The following CHODL variants were observed in gnomAD, a reference collection of about 807,000 sequenced individuals.
The protein encoded by CHODL is chondrolectin.
A neutral mutation model predicts 34.5 loss-of-function variants in CHODL; 29 were observed. The ratio of observed to expected loss-of-function variants is 0.84; its 90% CI spans 0.63 to 1.15. The LOEUF (loss-of-function observed/expected upper bound fraction) is 1.15. Among genes scored for constraint, CHODL ranks in the 50% most tolerant of loss-of-function variants. The pLI is 0.00. For missense variants in CHODL, 332 were observed against 332.5 expected, an observed-to-expected ratio of 1.00 and a Z score of 0.01; for synonymous variants, 125 against 116.1, an observed-to-expected ratio of 1.08 and a Z score of -0.49.
chr21:18,145,499 G>A (rs1191674815), intron 2 of CHODL, among the ~76,000 whole-genome samples: 1 of 149,002 alleles, frequency 6.7e-6, no homozygotes, highest in Admixed American at 6.7e-5. Flanking sequence ...TAACCTATAT[G>A]TGAAAAGATG....
intron 2 of CHODL, among the ~76,000 whole-genome samples, chr21:18,069,355 A>C (rs1343762333): frequency 6.6e-6 from 1 of 152,034 alleles, no homozygotes; most frequent in African/African-American, 2.4e-5. Context: ...GTATTCTATC[A>C]TTTTATTGCT....
chr21:18,174,161 A>ATATATATATATCTTGGTAT (rs2073276201), intron 2 of CHODL, among the ~76,000 whole-genome samples: 3 of 85,656 alleles, frequency 3.5e-5, no homozygotes, highest in African/African-American at 6.6e-5. Flanking sequence ...ATATATATAT[A>ATATATATATATCTTGGTAT]AAATCAAGTC....
At chr21:17,969,807 A>G (rs1304959385) in intron 1 of CHODL, among the ~76,000 whole-genome samples, 3 of 152,202 alleles carry the variant, frequency 2.0e-5, no homozygotes, top group Non-Finnish European at 4.4e-5. Flanking sequence ...AATGTCCTAA[A>G]GGTGTATATG....
intron 2 of CHODL, among the ~76,000 whole-genome samples, chr21:18,098,607 C>A (rs182519717): frequency 6.6e-6 from 1 of 152,024 alleles, no homozygotes; most frequent in Non-Finnish European, 1.5e-5. Flanking sequence ...GAGAAGAGAA[C>A]CCTCATATAC....
At chr21:17,945,008 A>C (rs2063394375) in intron 1 of CHODL, among the ~76,000 whole-genome samples, 1 of 152,130 alleles carries the variant, frequency 6.6e-6, no homozygotes, top group Non-Finnish European at 1.5e-5. Flanking sequence ...CCGGAGATCG[A>C]GACCATCCTG....
intron 2 of CHODL, among the ~76,000 whole-genome samples, chr21:18,061,505 A>G (rs2064664880): frequency 6.6e-6 from 1 of 152,230 alleles, no homozygotes; most frequent in South Asian, 2.1e-4. Flanking sequence ...CTCAAGGGAA[A>G]GTCATTGTCA....
At chr21:18,113,629 G>C (rs925021570) in intron 2 of CHODL, among the ~76,000 whole-genome samples, 1 of 152,134 alleles carries the variant, frequency 6.6e-6, no homozygotes, top group Non-Finnish European at 1.5e-5. Context: ...GATCTTGTGA[G>C]AACTTACTAT....
chr21:18,092,282 A>T (rs1247934899), intron 2 of CHODL, among the ~76,000 whole-genome samples: 1 of 152,186 alleles, frequency 6.6e-6, no homozygotes, highest in East Asian at 1.9e-4. Context: ...ACCTCTGTGA[A>T]TGTGCAAAAA....
intron 2 of CHODL, among the ~76,000 whole-genome samples, chr21:18,210,156 A>G (rs1328518873): frequency 6.6e-6 from 1 of 152,088 alleles, no homozygotes; most frequent in Non-Finnish European, 1.5e-5. Flanking sequence ...GCCAGAACTC[A>G]GGTTCTGATT....
chr21:18,077,505 G>T (rs1252523497), intron 2 of CHODL, among the ~76,000 whole-genome samples: 1 of 152,122 alleles, frequency 6.6e-6, no homozygotes, highest in Non-Finnish European at 1.5e-5. Flanking sequence ...AAATGTTTGT[G>T]TCCCTCTAAA....
At chr21:18,069,323 C>T (rs920441583) in intron 2 of CHODL, among the ~76,000 whole-genome samples, 3 of 152,064 alleles carry the variant, frequency 2.0e-5, no homozygotes, top group Non-Finnish European at 4.4e-5. Flanking sequence ...TTGGTCATTC[C>T]TTTACTCGAA....
intron 2 of CHODL, among the ~76,000 whole-genome samples, chr21:18,046,635 T>G (rs1240121795): frequency 6.6e-6 from 1 of 151,926 alleles, no homozygotes; most frequent in Non-Finnish European, 1.5e-5. Context: ...TAGAACATAA[T>G]TAAGGTTTAG....
At chr21:18,232,184 C>G (rs2073985760) in intron 2 of CHODL, among the ~76,000 whole-genome samples, 2 of 152,012 alleles carry the variant, frequency 1.3e-5, no homozygotes, top group Admixed American at 1.3e-4. Context: ...ATAAATTATT[C>G]ACTATTTTAT....
rs34811787 is a variant in CHODL, at chr21:18,158,071, G to GTT, written c.-44-98423_-44-98422dup. On this transcript the variant is annotated intron_variant, in intron 2 of 6. Coordinates refer to the CHODL transcript ENST00000400127. ...TTTCAATCTTGCAAGATTCCAAAAGGTTTTTTTTTTTTTTTTAATTCAGGT... is the reference window on the plus strand; with the variant it reads ...TTTCAATCTTGCAAGATTCCAAAAGGTTTTTTTTTTTTTTTTTTAATTCAGGT... Among the ~76,000 whole-genome samples the GTT allele has an allele frequency of 2.4e-3, 338 of 141,260 alleles. 1 individual carries two copies. The highest frequency in any genetic ancestry group is 4.7e-3 in the African/African-American group (182 of 38,476). The allele number at this position is 141,260 out of a possible 152,430, so 92.7% of individuals were successfully genotyped here.
Position 18,149,834 on chromosome 21 carries a change from C to T in CHODL, c.-44-106675C>T, listed in dbSNP as rs114064199. 5.8e-3 allele frequency among the ~76,000 whole-genome samples: 880 copies of T among 152,104 alleles called. 11 individuals are homozygous for T. Among genetic ancestry groups the T allele is most frequent in the African/African-American group, 0.02 (844 of 41,476 alleles). The stretch of plus-strand genomic sequence containing the variant: ...TAGCAAACTACCGTAGACTGGACGG[C>T]GCATAAACAATAGAAAGGTATTTTG... On this transcript the variant is annotated intron_variant, in intron 2 of 6. Coordinates refer to the CHODL transcript ENST00000400127.
chr21:17,996,077 A>ATTAT (rs2063846579), intron 1 of CHODL, among the ~76,000 whole-genome samples: 1 of 145,786 alleles, frequency 6.9e-6, no homozygotes, highest in African/African-American at 2.5e-5. Flanking sequence ...CTCATCATTT[A>ATTAT]TTTTTTTTTT....
rs189310762 is a variant in CHODL, at chr21:18,260,340, C to T, written c.634+54C>T. 5.8e-4 allele frequency: 663 copies of T among 1,151,212 alleles called. 3 individuals carry two copies. In the African/African-American group the frequency reaches 9.4e-3, roughly 16 times the overall value. 71.3% of individuals were successfully genotyped at this position (1,151,212 alleles called of 1,614,324 possible). ...TCAAGAACTGAACTGTACTTTCAAA[C>T]GCTGCTTCATGTTGACCCCAGTGAA... is the stretch of plus-strand genomic sequence containing the variant. On this transcript the variant is annotated intron_variant, in intron 4 of 5. Coordinates refer to ENST00000299295, the MANE Select transcript of CHODL (RefSeq NM_024944.3).
intron 1 of CHODL, among the ~76,000 whole-genome samples, chr21:17,931,511 C>T (rs990364989): frequency 1.3e-5 from 2 of 152,078 alleles, no homozygotes; most frequent in Non-Finnish European, 2.9e-5. Context: ...TTGAGACATC[C>T]CCAAAGGATC....
chr21:18,263,445 A>C (rs938925902), intron 5 of CHODL, among the ~76,000 whole-genome samples: 6 of 152,162 alleles, frequency 3.9e-5, no homozygotes, highest in Non-Finnish European at 7.4e-5. Context: ...TCTTGAAATA[A>C]AATCCTATAT....
Sources: gnomAD v4.1 joint callset for allele counts (sites outside exome capture counted in the v4.1 genomes callset) on GRCh38, gnomAD v4.1.1 for gene constraint, MANE v1.5 for transcripts, NCBI Gene and HGNC (gene_info 2026-07-23, HGNC 2026-07-21) for gene names.